Variants in CACNA1C observed in about 807,000 individuals in gnomAD.
CACNA1C encodes calcium voltage-gated channel subunit alpha1 C.
A neutral mutation model predicts 229.0 loss-of-function variants in CACNA1C; 30 were observed. That is an observed-to-expected ratio of 0.13 (90% CI 0.10 to 0.18). CACNA1C has a LOEUF of 0.18. CACNA1C is among the 10% of genes least tolerant of loss of function. CACNA1C has a pLI of 1.00. For synonymous variants in CACNA1C, 1,114 were observed against 1,132.5 expected (o/e 0.98, Z 0.33); for missense variants, 1,658 against 2,845.0 (o/e 0.58, Z 9.49).
At chr12:2,331,793 T>A in intron 3 of CACNA1C, among the ~76,000 whole-genome samples, 1 of 151,290 alleles carries the variant, frequency 6.6e-6, no homozygotes, top group Non-Finnish European at 1.5e-5. Flanking sequence ...AAACCCAAAT[T>A]GAGGGACATG....
intron 7 of CACNA1C, among the ~76,000 whole-genome samples, chr12:2,495,940 A>G (rs530797614): frequency 3.7e-4 from 57 of 152,252 alleles, no homozygotes; most frequent in African/African-American, 1.3e-3. Flanking sequence ...TGACCTTTCT[A>G]CGGCTGTTTC....
chr12:2,262,397 T>C (rs2080617695), intron 3 of CACNA1C, among the ~76,000 whole-genome samples: 1 of 152,252 alleles, frequency 6.6e-6, no homozygotes. Context: ...GTCTGTTTTC[T>C]TGTTCATCTC....
chr12:2,189,179 A>C (rs2097139157), intron 3 of CACNA1C, among the ~76,000 whole-genome samples: 1 of 151,006 alleles, frequency 6.6e-6, no homozygotes, highest in African/African-American at 2.4e-5. Context: ...GGAGAAGTGG[A>C]GAACACTGGT....
intron 9 of CACNA1C, among the ~76,000 whole-genome samples, chr12:2,514,979 T>C (rs192098404): frequency 2.6e-5 from 4 of 152,334 alleles, no homozygotes; most frequent in Admixed American, 2.0e-4. Context: ...CCTAACCCAA[T>C]AGACAGTCTC....
chr12:2,118,860 T>G (rs763166617), intron 2 of CACNA1C, among the ~76,000 whole-genome samples: 3 of 152,218 alleles, frequency 2.0e-5, no homozygotes, highest in Non-Finnish European at 4.4e-5. Flanking sequence ...CCTGCAAAGT[T>G]GGGAGATTGA....
intron 3 of CACNA1C, among the ~76,000 whole-genome samples, chr12:2,192,681 T>C (rs527497735): frequency 1.3e-5 from 2 of 152,338 alleles, no homozygotes; most frequent in Admixed American, 1.3e-4. Flanking sequence ...AAGATGATAA[T>C]GTATGAAAGT....
chr12:2,348,083 T>A lies in CACNA1C; in HGVS notation c.478-100893T>A, dbSNP rs2097099370. Reference sequence around the variant, plus strand: ...GCTTGTCCTAGAAACTGCAGTGAGGTGACTGTGCGGCAGGCCCACTCTCAA... The same window carrying A: ...GCTTGTCCTAGAAACTGCAGTGAGGAGACTGTGCGGCAGGCCCACTCTCAA... On this transcript the variant is annotated intron_variant, in intron 3 of 46. Coordinates refer to ENST00000399655, the MANE Select transcript of CACNA1C (RefSeq NM_000719.7). This position sits in a 1 kb window ranked among gnomAD's most constrained non-coding sequence, Gnocchi z 4.7. 6.6e-6 allele frequency among the ~76,000 whole-genome samples: 1 copy of A among 152,086 alleles called. No individual in the cohort carries two copies. Among genetic ancestry groups the A allele is most frequent in the South Asian group, 2.1e-4 (1 of 4,826 alleles).
chr12:1,983,357 T>C (rs1250379997), intron 1 of CACNA1C, among the ~76,000 whole-genome samples: 1 of 152,088 alleles, frequency 6.6e-6, no homozygotes, highest in East Asian at 1.9e-4. Context: ...ACTTTCTTCT[T>C]TTCCAATACA....
chr12:2,600,438 G>A (rs1207654073), intron 21 of CACNA1C, among the ~76,000 whole-genome samples: 1 of 152,188 alleles, frequency 6.6e-6, no homozygotes, highest in Non-Finnish European at 1.5e-5. Context: ...CGGACACTCT[G>A]CCCTGGGCAT....
chr12:2,641,649 G>A, intron 30 of CACNA1C: 1 of 695,670 alleles, frequency 1.4e-6, no homozygotes, highest in South Asian at 1.5e-5. Flanking sequence ...TTCCAGCACA[G>A]TCATTCATGC....
chr12:2,243,904 A>G (rs2071768301), intron 3 of CACNA1C, among the ~76,000 whole-genome samples: 1 of 152,230 alleles, frequency 6.6e-6, no homozygotes, highest in African/African-American at 2.4e-5. Context: ...TATTAAGATA[A>G]TAAAGACAAC....
intron 3 of CACNA1C, among the ~76,000 whole-genome samples, chr12:2,164,900 G>A (rs2096129679): frequency 6.6e-6 from 1 of 152,236 alleles, no homozygotes; most frequent in Admixed American, 6.5e-5. Flanking sequence ...CGTCATTGAA[G>A]TGGGGAGGGG....
chr12:2,314,785 C>CT (rs913187089), intron 3 of CACNA1C, among the ~76,000 whole-genome samples: 1 of 151,968 alleles, frequency 6.6e-6, no homozygotes, highest in Non-Finnish European at 1.5e-5. Flanking sequence ...TATTTTCTGT[C>CT]TTTTTTTAAT....
chr12:2,540,633 C>G (rs2099867575), intron 9 of CACNA1C, among the ~76,000 whole-genome samples: 1 of 152,152 alleles, frequency 6.6e-6, no homozygotes. Flanking sequence ...CTGACAAAGA[C>G]AGGGCAGGCT....
chr12:2,242,146 T>A (rs533046147), intron 3 of CACNA1C, among the ~76,000 whole-genome samples: 76 of 152,288 alleles, frequency 5.0e-4, no homozygotes, highest in African/African-American at 1.6e-3. Context: ...TTCCCAGCCA[T>A]ACTTTGCTCT....
intron 1 of CACNA1C, among the ~76,000 whole-genome samples, chr12:2,058,068 T>C (rs552484766): frequency 6.6e-6 from 1 of 152,342 alleles, no homozygotes; most frequent in Admixed American, 6.5e-5. Context: ...CTGAGATTTG[T>C]TCTAATTTCC....
At chr12:2,203,889 G>GCCCAGGT (rs2097675242) in intron 3 of CACNA1C, among the ~76,000 whole-genome samples, 1 of 152,202 alleles carries the variant, frequency 6.6e-6, no homozygotes, top group Admixed American at 6.5e-5. Context: ...AAATCTCAGG[G>GCCCAGGT]CCCAGGTCCC....
Position 2,407,656 on chromosome 12 carries a change from AGTGT to A in CACNA1C, c.478-41318_478-41315del, listed in dbSNP as rs1470485086. Among the ~76,000 whole-genome samples, 338 of 77,208 alleles carry A rather than the reference AGTGT, an allele frequency of 4.4e-3. 3 individuals are homozygous for A. Among genetic ancestry groups the A allele is most frequent in the African/African-American group, 0.014 (323 of 22,880 alleles). 50.7% of individuals were successfully genotyped at this position (77,208 alleles called of 152,430 possible). A position where few individuals can be genotyped will look rare whatever the true frequency, so the allele number is the denominator to read the frequency against. On this transcript the variant is annotated intron_variant, in intron 3 of 46. Coordinates refer to ENST00000399655, the MANE Select transcript of CACNA1C (RefSeq NM_000719.7). Reference sequence around the variant, plus strand: ...CCTTTTGATAATAGCCGTCCTGATAAGTGTGCGGTGGACATCGTCTCCACTGACA... The same window carrying A: ...CCTTTTGATAATAGCCGTCCTGATAAGCGGTGGACATCGTCTCCACTGACA...
chr12:2,151,067 C>T (rs2095211540), intron 3 of CACNA1C, among the ~76,000 whole-genome samples: 1 of 152,184 alleles, frequency 6.6e-6, no homozygotes, highest in Non-Finnish European at 1.5e-5. Context: ...CACAGCTTCC[C>T]TGAGTTCTAC....
Sources: gnomAD v4.1 joint callset for allele counts (sites outside exome capture counted in the v4.1 genomes callset) on GRCh38, gnomAD v4.1.1 for gene constraint, Gnocchi (gnomAD v3.1) non-coding constraint, MANE v1.5 for transcripts, NCBI Gene and HGNC (gene_info 2026-07-23, HGNC 2026-07-21) for gene names.